The following IL22RA2 variants were observed in gnomAD, a reference collection of about 807,000 sequenced individuals.
IL22RA2 encodes interleukin 22 receptor subunit alpha 2.
IL22RA2 carries 39 observed loss-of-function variants against 30.7 expected under a neutral mutation model. That is an observed-to-expected ratio of 1.27 (90% CI 0.98 to 1.66). The LOEUF (loss-of-function observed/expected upper bound fraction) is 1.66. IL22RA2 is among the 40% of genes most tolerant of loss of function. The probability of loss-of-function intolerance (pLI) is 0.00; values close to 1 mark genes in which losing one functional copy is unlikely to be tolerated. For synonymous variants in IL22RA2, 103 were observed against 105.0 expected, an observed-to-expected ratio of 0.98 and a Z score of 0.11; for missense variants, 315 against 312.7, an observed-to-expected ratio of 1.01 and a Z score of -0.05.
intron 1 of IL22RA2, among the ~76,000 whole-genome samples, chr6:137,162,626 C>T (rs1305311170): frequency 6.6e-6 from 1 of 152,088 alleles, no homozygotes; most frequent in Non-Finnish European, 1.5e-5. Context: ...TTCTTCTTAC[C>T]ATTTTTTTTT....
rs1274106826 is a variant in IL22RA2, at chr6:137,156,811, C to CACTTGGCTTCTGGTG, written c.226_240dup (p.His76_Ser80dup). 6.2e-7 allele frequency: 1 copy of CACTTGGCTTCTGGTG among 1,613,822 alleles called. No homozygotes were observed. The highest frequency in any genetic ancestry group is 8.5e-7 in the Non-Finnish European group (1 of 1,179,754). On this transcript the variant is annotated inframe_insertion, in exon 4 of 7. Transcript: ENST00000296980. The stretch of plus-strand genomic sequence containing the variant: ...TTACAAGAAATGTGCTGCCAGCATC[C>CACTTGGCTTCTGGTG]ACTTGGCTTCTGGTGAGAGCTTTTC...
intron 5 of IL22RA2, among the ~76,000 whole-genome samples, chr6:137,148,919 G>A (rs1175310458): frequency 6.6e-6 from 1 of 152,174 alleles, no homozygotes. Context: ...TGCAAAATCA[G>A]TTTTGCAATC....
intron 1 of IL22RA2, among the ~76,000 whole-genome samples, chr6:137,164,231 T>C (rs1056376189): frequency 9.8e-5 from 15 of 152,364 alleles, no homozygotes; most frequent in Middle Eastern, 3.4e-3. Context: ...AATAGCCATC[T>C]TTTAATGTAG....
At chr6:137,166,166 G>T (rs1778621500) in intron 1 of IL22RA2, among the ~76,000 whole-genome samples, 1 of 152,234 alleles carries the variant, frequency 6.6e-6, no homozygotes, top group South Asian at 2.1e-4. Context: ...AGGTTTATCA[G>T]TTGGGCTGGA....
At chr6:137,162,225 C>T (rs758829952) in intron 1 of IL22RA2, among the ~76,000 whole-genome samples, 6 of 152,172 alleles carry the variant, frequency 3.9e-5, no homozygotes, top group Admixed American at 1.3e-4. Context: ...TTGCAGCTAT[C>T]GGGGCCCCTG....
intron 3 of IL22RA2, among the ~76,000 whole-genome samples, chr6:137,157,957 CCAT>C (rs531155645): frequency 7.5e-4 from 115 of 152,326 alleles, no homozygotes; most frequent in Non-Finnish European, 1.4e-3. Context: ...ACACTCACCA[CCAT>C]GTTTGCCACA....
chr6:137,162,977 C>G (rs758881810), intron 1 of IL22RA2, among the ~76,000 whole-genome samples: 31 of 152,086 alleles, frequency 2.0e-4, no homozygotes, highest in Non-Finnish European at 3.5e-4. Flanking sequence ...TGTGACCCCC[C>G]ACCTTACACT....
chr6:137,147,952 T>C (rs1253836972), intron 5 of IL22RA2, 61 bp from the exon 6 acceptor site: 7 of 1,422,882 alleles, frequency 4.9e-6, no homozygotes, highest in Non-Finnish European at 6.8e-6. Flanking sequence ...TACAGACGCA[T>C]TATGTATAAT....
At position 137,144,402 on chromosome 6, in the gene IL22RA2, C is replaced by A. The variant is rs1434153895; in HGVS notation, c.*1222G>T. On this transcript the variant is annotated 3_prime_UTR_variant, in exon 7 of 7. Coordinates refer to ENST00000296980, the MANE Select transcript of IL22RA2 (RefSeq NM_052962.3). ...GACTATATTGTTATCAACTTTGGAG[C>A]AATTTTCATGGGGAATTGTACAAAT... 2 of 152,168 alleles carry A rather than the reference C, an allele frequency of 1.3e-5. No individual in the cohort carries two copies. Among genetic ancestry groups the A allele is most frequent in the African/African-American group, 4.8e-5 (2 of 41,430 alleles). 9.4% of individuals were successfully genotyped at this position (152,168 alleles called of 1,614,324 possible).
At chr6:137,155,799 C>T (rs950648368) in intron 4 of IL22RA2, among the ~76,000 whole-genome samples, 19 of 152,178 alleles carry the variant, frequency 1.2e-4, no homozygotes, top group Non-Finnish European at 2.2e-4. Context: ...GTATCACTAA[C>T]ATAAGGGTTT....
intron 1 of IL22RA2, among the ~76,000 whole-genome samples, chr6:137,171,396 C>T (rs1778731726): frequency 6.6e-6 from 1 of 152,190 alleles, no homozygotes; most frequent in Admixed American, 6.5e-5. Context: ...TTGCCTCCCA[C>T]CCTCCATCAC....
intron 5 of IL22RA2, among the ~76,000 whole-genome samples, chr6:137,150,868 C>T (rs1276416830): frequency 6.6e-6 from 1 of 152,144 alleles, no homozygotes; most frequent in East Asian, 1.9e-4. Flanking sequence ...AACTCTATTC[C>T]ACCCTCCTGC....
At chr6:137,167,158 A>G (rs1233565026) in intron 1 of IL22RA2, among the ~76,000 whole-genome samples, 3 of 152,244 alleles carry the variant, frequency 2.0e-5, no homozygotes, top group East Asian at 3.8e-4. Flanking sequence ...CAGAAATAGT[A>G]CAACAGCTAA....
intron 1 of IL22RA2, among the ~76,000 whole-genome samples, chr6:137,168,585 C>T (rs928648682): frequency 1.3e-5 from 2 of 152,096 alleles, no homozygotes; most frequent in African/African-American, 4.8e-5. Context: ...AAAAGAGTGC[C>T]CTGATTGTGA....
In IL22RA2 at chr6:137,158,369, C is replaced by T; in HGVS notation, c.175G>A (p.Val59Ile). The change falls in exon 3 of 7, where the codon GTC becomes ATC. Residue 59 changes from valine to isoleucine, a missense_variant. Coordinates refer to ENST00000296980, the MANE Select transcript of IL22RA2 (RefSeq NM_052962.3). The stretch of plus-strand genomic sequence containing the variant: ...TACATTTTGTACTGCACAAAATAGA[C>T]ACTGCTGTTGCCAGTAAGTGCCCTC... ...PGRALTGNSS[V>I]YFVQYKIMFS... 1 of 1,614,166 alleles carries T rather than the reference C, an allele frequency of 6.2e-7. No homozygotes were observed. Among genetic ancestry groups the T allele is most frequent in the South Asian group, 1.1e-5 (1 of 91,086 alleles).
In IL22RA2 at chr6:137,156,750, G is replaced by C. The variant is rs1461129242; in HGVS notation, c.293+9C>G. On this transcript the variant is annotated intron_variant, in intron 4 of 6. Coordinates refer to ENST00000296980, the MANE Select transcript of IL22RA2 (RefSeq NM_052962.3). ...GAGGCTAGGTAATTGATAAGGAAAA[G>C]AGGTGTACTTAGCCAATGTTCTGCA... is the stretch of plus-strand genomic sequence containing the variant. 2.5e-6 allele frequency: 4 copies of C among 1,612,334 alleles called. No homozygotes were observed. Among genetic ancestry groups the C allele is most frequent in the Non-Finnish European group, 3.4e-6 (4 of 1,178,590 alleles).
chr6:137,147,186 CAAAAAAAAA>C (rs11313927), intron 6 of IL22RA2, among the ~76,000 whole-genome samples: 1 of 70,872 alleles, frequency 1.4e-5, no homozygotes, highest in Non-Finnish European at 3.3e-5. Context: ...CTTGCCTCTA[CAAAAAAAAA>C]AAAAAAAAAA....
chr6:137,171,749 C>G (rs1392584907), intron 1 of IL22RA2, among the ~76,000 whole-genome samples: 1 of 152,154 alleles, frequency 6.6e-6, no homozygotes, highest in East Asian at 1.9e-4. Flanking sequence ...CCCAGTGGAC[C>G]AGGCCACTAT....
At chr6:137,160,339 T>A (rs1482364271) in intron 2 of IL22RA2, among the ~76,000 whole-genome samples, 1 of 152,232 alleles carries the variant, frequency 6.6e-6, no homozygotes, top group Non-Finnish European at 1.5e-5. Context: ...TTTGCCCAGC[T>A]CTTCTGTGAG....
Sources: allele counts gnomAD v4.1 joint callset (sites outside exome capture counted in the v4.1 genomes callset), GRCh38; gene constraint gnomAD v4.1.1; transcripts MANE v1.5; gene names NCBI Gene and HGNC (gene_info 2026-07-23, HGNC 2026-07-21).